The following FTCDNL1 variants were observed in gnomAD, a reference collection of about 807,000 sequenced individuals.
FTCDNL1 encodes the protein formiminotransferase cyclodeaminase N-terminal like.
In FTCDNL1, 11 loss-of-function variants were observed where a neutral mutation model predicts 5.9. The observed-to-expected ratio is 1.87, with a 90% CI of 1.18 to 3.10. FTCDNL1 has a LOEUF of 3.10. Ranked by LOEUF, FTCDNL1 falls within the 30% of genes most tolerant of loss-of-function variation. FTCDNL1 has a pLI of 0.00. For synonymous variants in FTCDNL1, 58 were observed against 24.8 expected, an observed-to-expected ratio of 2.34 and a Z score of -3.99; for missense variants, 115 against 65.5, an observed-to-expected ratio of 1.76 and a Z score of -2.61.
At chr2:199,764,499 C>A (rs72922387) in intron 3 of FTCDNL1, among the ~76,000 whole-genome samples, 4,754 of 152,234 alleles carry the variant, frequency 0.031, 114 homozygotes, top group East Asian at 0.14. Flanking sequence ...TGATTCAGCT[C>A]CCCCAAAGCC....
chr2:199,811,420 C>T lies in FTCDNL1; in HGVS notation c.*1285G>A, dbSNP rs1055811074. Among the ~76,000 whole-genome samples the T allele has an allele frequency of 6.6e-6, 1 of 152,204 alleles. No individual in the cohort carries two copies. The highest frequency in any genetic ancestry group is 6.5e-5 in the Admixed American group (1 of 15,284). ...CAAGGAATGGTAATATCTTTACCAT[C>T]GTTCCAACAAATAGTTGGATCACAC... On this transcript the variant is annotated 3_prime_UTR_variant, in exon 5 of 5. Transcript: ENST00000420128.
chr2:199,719,460 G>A, the FTCDNL1 span, among the ~76,000 whole-genome samples: 34 of 152,202 alleles, frequency 2.2e-4, no homozygotes, highest in East Asian at 7.7e-4. Flanking sequence ...AGGTAAATGC[G>A]ATACCTTAAA....
chr2:199,693,628 C>A, the FTCDNL1 span, among the ~76,000 whole-genome samples: 1 of 152,144 alleles, frequency 6.6e-6, no homozygotes, highest in Non-Finnish European at 1.5e-5. Context: ...AGCACCTAGA[C>A]CTGGTTCTAT....
chr2:199,769,301 G>A (rs1301501335), intron 3 of FTCDNL1, among the ~76,000 whole-genome samples: 2 of 152,064 alleles, frequency 1.3e-5, no homozygotes, highest in Non-Finnish European at 2.9e-5. Flanking sequence ...GTCAGGGGTG[G>A]GCCAGGCGGA....
downstream of FTCDNL1, among the ~76,000 whole-genome samples, chr2:199,760,337 C>T (rs1698214254): frequency 6.6e-6 from 1 of 152,110 alleles, no homozygotes; most frequent in Admixed American, 6.5e-5. Context: ...AGTATTCAAA[C>T]ATAGCAGTTA....
chr2:199,840,364 C>T (rs576626319), intron 3 of FTCDNL1, among the ~76,000 whole-genome samples: 136 of 152,204 alleles, frequency 8.9e-4, no homozygotes, highest in Admixed American at 3.2e-3. Context: ...TCATTGTGAA[C>T]AATGTTTACA....
chr2:199,804,695 G>T (rs1393296416), downstream of FTCDNL1, among the ~76,000 whole-genome samples: 1 of 152,096 alleles, frequency 6.6e-6, no homozygotes, highest in Non-Finnish European at 1.5e-5. Flanking sequence ...GTTTGTGTTA[G>T]GAGCTATGTT....
chr2:199,784,087 C>T (rs1215214692), intron 3 of FTCDNL1, among the ~76,000 whole-genome samples: 2 of 152,112 alleles, frequency 1.3e-5, no homozygotes, highest in East Asian at 1.9e-4. Context: ...TGGCTCACTA[C>T]CCTTATAATT....
At chr2:199,689,163 A>T in the FTCDNL1 span, among the ~76,000 whole-genome samples, 1 of 152,226 alleles carries the variant, frequency 6.6e-6, no homozygotes, top group Non-Finnish European at 1.5e-5. Flanking sequence ...AATTGATATG[A>T]CAATGTTCAA....
chr2:199,728,665 A>G, the FTCDNL1 span, among the ~76,000 whole-genome samples: 1 of 152,214 alleles, frequency 6.6e-6, no homozygotes, highest in Non-Finnish European at 1.5e-5. Flanking sequence ...AATGAGCACA[A>G]GGAAGAGTGG....
chr2:199,729,139 A>G, the FTCDNL1 span, among the ~76,000 whole-genome samples: 1 of 152,258 alleles, frequency 6.6e-6, no homozygotes, highest in African/African-American at 2.4e-5. Context: ...GAAAATAAAA[A>G]GTTGAATATA....
chr2:199,804,404 T>C (rs1476164042), downstream of FTCDNL1, among the ~76,000 whole-genome samples: 5 of 152,234 alleles, frequency 3.3e-5, no homozygotes, highest in South Asian at 2.1e-4. Context: ...GTAACTATTA[T>C]AAGATTCAAA....
chr2:199,804,964 G>A (rs1217814979), downstream of FTCDNL1, among the ~76,000 whole-genome samples: 1 of 152,232 alleles, frequency 6.6e-6, no homozygotes, highest in African/African-American at 2.4e-5. Context: ...GAGCCTAGAA[G>A]CTGAAAGGAG....
chr2:199,802,000 C>T (rs557155850), intron 3 of FTCDNL1, among the ~76,000 whole-genome samples: 49 of 151,124 alleles, frequency 3.2e-4, no homozygotes, highest in African/African-American at 9.9e-4. Flanking sequence ...AACAGCAGAA[C>T]ATTGAACCAA....
the FTCDNL1 span, among the ~76,000 whole-genome samples, chr2:199,727,290 A>G: frequency 6.6e-6 from 1 of 152,174 alleles, no homozygotes; most frequent in East Asian, 1.9e-4. Flanking sequence ...AGCTGCAGTG[A>G]TGGCAGCCTC....
chr2:199,801,421 T>C (rs960467064), intron 3 of FTCDNL1, among the ~76,000 whole-genome samples: 1 of 151,218 alleles, frequency 6.6e-6, no homozygotes. Context: ...CCCAAGCAGG[T>C]AGATTTCTTG....
the FTCDNL1 span, among the ~76,000 whole-genome samples, chr2:199,714,197 C>T: frequency 5.3e-5 from 8 of 152,088 alleles, no homozygotes; most frequent in Admixed American, 5.2e-4. Flanking sequence ...TGCCTACTTT[C>T]TGAAAACAAT....
the FTCDNL1 span, among the ~76,000 whole-genome samples, chr2:199,674,545 C>T: frequency 1.3e-5 from 2 of 152,166 alleles, no homozygotes; most frequent in African/African-American, 4.8e-5. Flanking sequence ...AACAACTATG[C>T]ATTTCAGTAT....
intron 3 of FTCDNL1, among the ~76,000 whole-genome samples, chr2:199,765,532 T>TTTTATATATATATATA (rs1436369027): frequency 1.3e-5 from 1 of 79,620 alleles, no homozygotes; most frequent in African/African-American, 3.8e-5. Context: ...TTTGTCTTCA[T>TTTTATATATATATATA]TATATATATA....
Sources: gnomAD v4.1 joint callset for allele counts (sites outside exome capture counted in the v4.1 genomes callset) on GRCh38, gnomAD v4.1.1 for gene constraint, MANE v1.5 for transcripts, NCBI Gene and HGNC (gene_info 2026-07-23, HGNC 2026-07-21) for gene names.